GTF2IRD1: variants seen among roughly 807,000 people sequenced by gnomAD.
GTF2IRD1 encodes general transcription factor II-I repeat domain-containing protein 1.
In GTF2IRD1, 26 loss-of-function variants were observed where a neutral mutation model predicts 113.2. The ratio of observed to expected loss-of-function variants is 0.23; its 90% CI spans 0.17 to 0.32. GTF2IRD1 has a LOEUF of 0.32. GTF2IRD1 is among the 10% of genes least tolerant of loss of function. The probability of loss-of-function intolerance (pLI) is 1.00; values close to 1 mark genes in which losing one functional copy is unlikely to be tolerated. For synonymous variants in GTF2IRD1, 484 were observed against 529.1 expected (o/e 0.91, Z 1.17); for missense variants, 864 against 1,280.8 (o/e 0.67, Z 4.97).
At chr7:74,536,051 G>A in intron 10 of GTF2IRD1, 116 bp from the exon 11 acceptor site, 1 of 683,936 alleles carries the variant, frequency 1.5e-6, no homozygotes, top group Non-Finnish European at 2.6e-6. Context: ...GACAGGCAGA[G>A]GCCAGGCCCT....
intron 16 of GTF2IRD1, among the ~76,000 whole-genome samples, chr7:74,546,853 C>T (rs1250392906): frequency 6.6e-6 from 1 of 152,172 alleles, no homozygotes; most frequent in African/African-American, 2.4e-5. Context: ...TTGGGGTAAC[C>T]CTGGGTTGAG....
At chr7:74,523,158 G>A (rs905056917) in intron 7 of GTF2IRD1, among the ~76,000 whole-genome samples, 6 of 152,190 alleles carry the variant, frequency 3.9e-5, no homozygotes, top group Non-Finnish European at 5.9e-5. Flanking sequence ...GTTGGAGGCT[G>A]CTGTGAGCTA....
chr7:74,523,374 G>A (rs1554346426), intron 7 of GTF2IRD1, among the ~76,000 whole-genome samples: 1 of 152,196 alleles, frequency 6.6e-6, no homozygotes, highest in East Asian at 1.9e-4. Flanking sequence ...CTGGGCAACA[G>A]AGTGAGACCC....
At chr7:74,597,046 CT>C (rs782516833) in intron 25 of GTF2IRD1, among the ~76,000 whole-genome samples, 82 of 145,802 alleles carry the variant, frequency 5.6e-4, no homozygotes, top group Non-Finnish European at 6.5e-4. Context: ...GACCCCATCT[CT>C]TTTTTTTTTT....
intron 1 of GTF2IRD1, among the ~76,000 whole-genome samples, chr7:74,492,759 T>C (rs1179530297): frequency 5.3e-5 from 8 of 151,264 alleles, no homozygotes; most frequent in Non-Finnish European, 7.4e-5. Flanking sequence ...CCATGCTCCC[T>C]CCAGAGGCTC....
At chr7:74,463,684 C>T (rs1793526539) in intron 1 of GTF2IRD1, among the ~76,000 whole-genome samples, 1 of 151,566 alleles carries the variant, frequency 6.6e-6, no homozygotes, top group Non-Finnish European at 1.5e-5. Flanking sequence ...AGGCTCAAGC[C>T]TCCTGTGCCC....
intron 21 of GTF2IRD1, 125 bp downstream of exon 21, chr7:74,559,169 C>A: frequency 1.2e-6 from 1 of 856,960 alleles, no homozygotes; most frequent in East Asian, 2.6e-5. Context: ...CTCCTGGCAC[C>A]ATCCTGGGTC....
chr7:74,571,874 T>C (rs2130871874), intron 22 of GTF2IRD1, among the ~76,000 whole-genome samples: 1 of 151,912 alleles, frequency 6.6e-6, no homozygotes, highest in East Asian at 1.9e-4. Context: ...AAAAAAAAAT[T>C]ACATGCCACC....
chr7:74,577,346 G>A (rs1428155097), intron 22 of GTF2IRD1, among the ~76,000 whole-genome samples: 4 of 152,016 alleles, frequency 2.6e-5, no homozygotes, highest in African/African-American at 9.7e-5. Context: ...GCTGGGTTCA[G>A]TAATTCTTAG....
chr7:74,502,811 C>T (rs1432502390), intron 1 of GTF2IRD1, among the ~76,000 whole-genome samples: 1 of 152,154 alleles, frequency 6.6e-6, no homozygotes, highest in Non-Finnish European at 1.5e-5. Flanking sequence ...AGGGAACATC[C>T]CTAGAAGATG....
chr7:74,525,286 GGTAGGCCTGGGT>G (rs2130368656), intron 8 of GTF2IRD1, among the ~76,000 whole-genome samples: 1 of 152,210 alleles, frequency 6.6e-6, no homozygotes, highest in Admixed American at 6.5e-5. Flanking sequence ...GCCTGGGCCA[GGTAGGCCTGGGT>G]ACCCTGATGG....
At chr7:74,510,538 ACCTCAGGTGATCCACCTG>A in intron 2 of GTF2IRD1, among the ~76,000 whole-genome samples, 1 of 149,938 alleles carries the variant, frequency 6.7e-6, no homozygotes, top group East Asian at 2.0e-4. Context: ...CAAACTCCTG[ACCTCAGGTGATCCACCTG>A]CCTCAGCCTC....
intron 22 of GTF2IRD1, chr7:74,571,290 G>C (rs587657507): frequency 5.9e-6 from 1 of 168,758 alleles, no homozygotes; most frequent in East Asian, 1.9e-4. Context: ...CAGGTGAGAA[G>C]GAGGGATGGG....
At chr7:74,485,193 C>T (rs1794952766) in intron 1 of GTF2IRD1, among the ~76,000 whole-genome samples, 1 of 152,142 alleles carries the variant, frequency 6.6e-6, no homozygotes, top group African/African-American at 2.4e-5. Flanking sequence ...TACAGATGCC[C>T]CAGGGGAGGC....
At position 74,551,840 on chromosome 7, in the gene GTF2IRD1, G is replaced by GCT. The variant is rs1554355127; in HGVS notation, c.1917-3333_1917-3332insTC. Among the ~76,000 whole-genome samples the GCT allele has an allele frequency of 2.0e-5, 3 of 152,262 alleles. No homozygotes were observed. The East Asian group carries it at 5.8e-4, about 29-fold the overall frequency. Reference sequence around the variant, plus strand: ...AATCCCAGCTACTCGGGAGGCTGAGGCAGGAGAATCACTTGAACCTGGGAG... The same window carrying GCT: ...AATCCCAGCTACTCGGGAGGCTGAGGCTCAGGAGAATCACTTGAACCTGGGAG... On this transcript the variant is annotated intron_variant, in intron 17 of 26. Transcript: ENST00000424337.
chr7:74,539,787 T>G, intron 13 of GTF2IRD1, 92 bp from the exon 14 acceptor site: 1 of 821,214 alleles, frequency 1.2e-6, no homozygotes, highest in Non-Finnish European at 2.1e-6. Context: ...GACCCTTGTC[T>G]GTGGGGAGAC....
chr7:74,490,396 G>A (rs1010030958), intron 1 of GTF2IRD1, among the ~76,000 whole-genome samples: 2 of 152,146 alleles, frequency 1.3e-5, no homozygotes, highest in African/African-American at 4.8e-5. Flanking sequence ...GCTGTGACTG[G>A]CAGTGTTCTT....
At chr7:74,463,596 G>T (rs1469704721) in intron 1 of GTF2IRD1, among the ~76,000 whole-genome samples, 7 of 152,224 alleles carry the variant, frequency 4.6e-5, no homozygotes, top group South Asian at 4.1e-4. Flanking sequence ...TCAGCTGAGG[G>T]TAATGTGAGT....
intron 3 of GTF2IRD1, chr7:74,515,224 G>T: frequency 1.1e-6 from 1 of 882,700 alleles, no homozygotes; most frequent in South Asian, 1.6e-5. Context: ...CAGAGGTGAG[G>T]CCCAGCCCTG....
Sources: allele counts gnomAD v4.1 joint callset (sites outside exome capture counted in the v4.1 genomes callset), GRCh38; gene constraint gnomAD v4.1.1; transcripts MANE v1.5; gene names NCBI Gene and HGNC (gene_info 2026-07-23, HGNC 2026-07-21).